DUSP16: variants seen among roughly 807,000 people sequenced by gnomAD.
DUSP16 encodes the protein dual specificity protein phosphatase 16.
In DUSP16, 21 loss-of-function variants were observed where a neutral mutation model predicts 58.3. That is an observed-to-expected ratio of 0.36 (90% CI 0.26 to 0.52). The LOEUF (loss-of-function observed/expected upper bound fraction) is 0.52. Among genes scored for constraint, DUSP16 ranks in the 20% least tolerant of loss-of-function variants. The probability of loss-of-function intolerance (pLI) is 0.94; values close to 1 mark genes in which losing one functional copy is unlikely to be tolerated. For missense variants in DUSP16, 726 were observed against 819.0 expected (o/e 0.89, Z 1.39); for synonymous variants, 320 against 323.8 (o/e 0.99, Z 0.12).
At chr12:12,530,773 A>C (rs1176192284) in intron 1 of DUSP16, among the ~76,000 whole-genome samples, 3 of 152,208 alleles carry the variant, frequency 2.0e-5, no homozygotes, top group African/African-American at 7.2e-5. Context: ...GTATCTACTA[A>C]GAGAATCTTA....
intron 3 of DUSP16, among the ~76,000 whole-genome samples, chr12:12,503,257 ACT>A (rs1943936925): frequency 8.0e-6 from 1 of 125,628 alleles, no homozygotes; most frequent in Non-Finnish European, 1.6e-5. Context: ...ACAGAGTCTC[ACT>A]CTGTCGCCCA....
chr12:12,495,492 T>C (rs909110113), intron 4 of DUSP16, among the ~76,000 whole-genome samples: 3 of 152,334 alleles, frequency 2.0e-5, no homozygotes, highest in Admixed American at 1.3e-4. Flanking sequence ...TTCACAACTT[T>C]TCTCCCTTGA....
intron 1 of DUSP16, among the ~76,000 whole-genome samples, chr12:12,546,408 G>A (rs1162402743): frequency 1.3e-5 from 2 of 152,204 alleles, no homozygotes; most frequent in Non-Finnish European, 2.9e-5. Context: ...TTGAGTTACT[G>A]TATAACCAAA....
intron 4 of DUSP16, 25 bp from the exon 5 acceptor site, chr12:12,487,212 A>T (rs1943698462): frequency 6.2e-7 from 1 of 1,609,162 alleles, no homozygotes; most frequent in Non-Finnish European, 8.5e-7. Flanking sequence ...AGTAGCAGTT[A>T]AAGTGACTAA....
intron 1 of DUSP16, among the ~76,000 whole-genome samples, chr12:12,521,689 GAAAAC>G (rs1332148237): frequency 7.2e-5 from 11 of 152,048 alleles, no homozygotes; most frequent in African/African-American, 1.9e-4. Context: ...AAAACTCAAA[GAAAAC>G]AAAACAAGAC....
chr12:12,480,462 C>T (rs1474520314), intron 5 of DUSP16, 116 bp from the exon 6 acceptor site: 1 of 1,168,512 alleles, frequency 8.6e-7, no homozygotes, highest in Non-Finnish European at 1.2e-6. Context: ...CAAATCTCAT[C>T]TGTGTATATC....
chr12:12,522,708 C>G (rs537058503), intron 1 of DUSP16, among the ~76,000 whole-genome samples: 3 of 151,606 alleles, frequency 2.0e-5, no homozygotes, highest in African/African-American at 7.3e-5. Context: ...GGACTACAGG[C>G]GCGCACCACC....
intron 1 of DUSP16, among the ~76,000 whole-genome samples, chr12:12,523,437 C>A (rs1023086055): frequency 1.3e-5 from 2 of 152,242 alleles, no homozygotes; most frequent in South Asian, 2.1e-4. Context: ...TGCAACCAAA[C>A]TGTGCCCTTT....
At chr12:12,523,816 G>C (rs1944267269) in intron 1 of DUSP16, among the ~76,000 whole-genome samples, 1 of 152,192 alleles carries the variant, frequency 6.6e-6, no homozygotes, top group Non-Finnish European at 1.5e-5. Context: ...CTACTACTGG[G>C]TTGCCCTGTT....
At chr12:12,558,828 C>G (rs1944851476) in intron 1 of DUSP16, among the ~76,000 whole-genome samples, 1 of 152,192 alleles carries the variant, frequency 6.6e-6, no homozygotes, top group African/African-American at 2.4e-5. Context: ...ATTCCTCTTT[C>G]CTTTCATGGC....
intron 1 of DUSP16, among the ~76,000 whole-genome samples, 199 bp downstream of exon 1, chr12:12,561,918 G>C (rs547665727): frequency 1.2e-4 from 18 of 150,504 alleles, no homozygotes; most frequent in African/African-American, 4.1e-4. Context: ...TGCGGCCCCC[G>C]GCCGCGGTCG....
chr12:12,514,647 C>G (rs899750615), intron 3 of DUSP16, among the ~76,000 whole-genome samples: 3 of 152,144 alleles, frequency 2.0e-5, no homozygotes, highest in Admixed American at 6.5e-5. Flanking sequence ...CACTACCTCT[C>G]TCTAGCTCTA....
rs114449825 is a variant in DUSP16 at position 12,489,280 on chromosome 12, G to A, written c.532-2093C>T. On this transcript the variant is annotated intron_variant, in intron 4 of 6. Coordinates refer to ENST00000298573, the MANE Select transcript of DUSP16 (RefSeq NM_030640.3). Reference sequence around the variant, plus strand: ...TCTGTTAGGTTAACAATCAGGCTACGTAGATCTTAATGGTATTTACTACAA... The same window carrying A: ...TCTGTTAGGTTAACAATCAGGCTACATAGATCTTAATGGTATTTACTACAA... Among the ~76,000 whole-genome samples, 804 of 152,304 alleles carry A rather than the reference G, an allele frequency of 5.3e-3. 8 individuals carry two copies. Among genetic ancestry groups the A allele is most frequent in the African/African-American group, 0.018 (730 of 41,554 alleles).
intron 2 of DUSP16, among the ~76,000 whole-genome samples, chr12:12,520,425 A>T (rs1944216344): frequency 6.6e-6 from 1 of 152,238 alleles, no homozygotes; most frequent in African/African-American, 2.4e-5. Flanking sequence ...CACCACACAG[A>T]CAACATTTTA....
At position 12,552,455 on chromosome 12, in the gene DUSP16, T is replaced by A. The variant is rs1004965328; in HGVS notation, c.-366+9662A>T. Among the ~76,000 whole-genome samples the A allele has an allele frequency of 5.3e-5, 8 of 151,734 alleles. No individual in the cohort carries two copies. The South Asian group carries it at 1.2e-3, about 24-fold the overall frequency. ...AGCGAGACTATCTCAAAAAAATAAA[T>A]AAATAAATAAAAAGCATTTACCAAT... On this transcript the variant is annotated intron_variant, in intron 1 of 6. Coordinates refer to ENST00000298573, the MANE Select transcript of DUSP16 (RefSeq NM_030640.3).
chr12:12,546,488 T>C (rs1425772928), intron 1 of DUSP16, among the ~76,000 whole-genome samples: 1 of 152,240 alleles, frequency 6.6e-6, no homozygotes, highest in Non-Finnish European at 1.5e-5. Flanking sequence ...TCTTTGAAGC[T>C]GCCTCAGTCC....
At chr12:12,496,079 C>G (rs1345067486) in intron 4 of DUSP16, among the ~76,000 whole-genome samples, 1 of 152,128 alleles carries the variant, frequency 6.6e-6, no homozygotes, top group Admixed American at 6.5e-5. Flanking sequence ...GCAAAACTGT[C>G]CACCCCTAAA....
intron 3 of DUSP16, among the ~76,000 whole-genome samples, chr12:12,513,973 T>C (rs1449811520): frequency 6.6e-6 from 1 of 152,350 alleles, no homozygotes; most frequent in East Asian, 1.9e-4. Context: ...TTTCTGCAGG[T>C]TGTTGAAAAC....
chr12:12,530,527 T>C (rs1011189870), intron 1 of DUSP16, among the ~76,000 whole-genome samples: 3 of 152,224 alleles, frequency 2.0e-5, no homozygotes, highest in African/African-American at 7.2e-5. Context: ...CCCATTTGTC[T>C]ATTTTTGCTT....
Sources: allele counts gnomAD v4.1 joint callset (sites outside exome capture counted in the v4.1 genomes callset), GRCh38; gene constraint gnomAD v4.1.1; transcripts MANE v1.5; gene names NCBI Gene and HGNC (gene_info 2026-07-23, HGNC 2026-07-21).